Variants in CDHR3 observed in about 807,000 individuals in gnomAD.
The protein encoded by CDHR3 is cadherin-related family member 3.
Under a neutral mutation model 86.6 loss-of-function variants are expected in CDHR3, and 79 were observed. The observed-to-expected ratio is 0.91, with a 90% CI of 0.76 to 1.10. The LOEUF (loss-of-function observed/expected upper bound fraction) is 1.10. Among genes scored for constraint, CDHR3 ranks in the 50% least tolerant of loss-of-function variants. The probability of loss-of-function intolerance (pLI) is 0.00; values close to 1 mark genes in which losing one functional copy is unlikely to be tolerated. For missense variants in CDHR3, 1,081 were observed against 1,077.6 expected (o/e 1.00, Z -0.04); for synonymous variants, 421 against 402.4 (o/e 1.05, Z -0.55).
rs368285250 is a variant in CDHR3 at position 106,022,240 on chromosome 7, C to T, written c.1868C>T (p.Ser623Phe). The change falls in exon 14 of 19, where the codon TCC becomes TTC. Residue 623 changes from serine to phenylalanine, a missense_variant. Coordinates refer to ENST00000317716, the MANE Select transcript of CDHR3 (RefSeq NM_152750.5). Reference protein sequence around the residue: ...NHFTFSPNAGSNVTRLLLTSR... With the variant: ...NHFTFSPNAGFNVTRLLLTSR... Reference sequence around the variant, plus strand: ...TTCACCTTCTCTCCCAATGCTGGTTCCAATGTCACACGCCTGCTGCTTACA... The same window carrying T: ...TTCACCTTCTCTCCCAATGCTGGTTTCAATGTCACACGCCTGCTGCTTACA... The T allele has an allele frequency of 1.9e-6, 3 of 1,613,926 alleles. No individual in the cohort carries two copies. The highest frequency in any genetic ancestry group is 2.5e-6 in the Non-Finnish European group (3 of 1,179,910).
rs1430125245 is a variant in CDHR3, at chr7:105,963,446, G to A, written c.46+82G>A. 4.8e-6 allele frequency: 7 copies of A among 1,453,878 alleles called. No homozygotes were observed. The East Asian group carries it at 1.4e-4, about 28-fold the overall frequency. 90.1% of individuals were successfully genotyped at this position (1,453,878 alleles called of 1,614,324 possible). ...ATTGAATGACAATGTCCCCCAGAAA[G>A]GAAATTGCCCCTGGGAGGCTTGTTC... On this transcript the variant is annotated intron_variant, in intron 1 of 18. Coordinates refer to ENST00000317716, the MANE Select transcript of CDHR3 (RefSeq NM_152750.5).
Position 106,015,908 on chromosome 7 carries a change from T to C in CDHR3, c.1328-19T>C. 2 of 1,511,320 alleles carry C rather than the reference T, an allele frequency of 1.3e-6. No homozygotes were observed. Among genetic ancestry groups the C allele is most frequent in the South Asian group, 2.3e-5 (2 of 87,312 alleles). The allele number at this position is 1,511,320 out of a possible 1,614,324, so 93.6% of individuals were successfully genotyped here. A position where few individuals can be genotyped will look rare whatever the true frequency, so the allele number is the denominator to read the frequency against. On this transcript the variant is annotated intron_variant, in intron 10 of 18. Transcript: ENST00000317716. ...GAGTATGGATTTGTGATTAAATGTGTTTCTATTTCCATTTTTAGATAACGT... is the reference window on the plus strand; with the variant it reads ...GAGTATGGATTTGTGATTAAATGTGCTTCTATTTCCATTTTTAGATAACGT...
rs1249126412 is a variant in CDHR3 at position 106,034,969 on chromosome 7, C to G, written c.*2272C>G. 6.6e-6 allele frequency among the ~76,000 whole-genome samples: 1 copy of G among 151,982 alleles called. No individual in the cohort carries two copies. Among genetic ancestry groups the G allele is most frequent in the Non-Finnish European group, 1.5e-5 (1 of 68,024 alleles). On this transcript the variant is annotated 3_prime_UTR_variant, in exon 19 of 19. Transcript: ENST00000317716. Reference sequence around the variant, plus strand: ...TAGCAGGCACCTGTAATCCCAGCTACTCAGGAGGCTGAGGCAAGAGAATCG... The same window carrying G: ...TAGCAGGCACCTGTAATCCCAGCTAGTCAGGAGGCTGAGGCAAGAGAATCG...
chr7:105,975,507 A>G (rs1431298049), intron 2 of CDHR3, among the ~76,000 whole-genome samples: 1 of 152,192 alleles, frequency 6.6e-6, no homozygotes, highest in African/African-American at 2.4e-5. Flanking sequence ...ACACCCTTTA[A>G]CAAAAATATA....
intron 1 of CDHR3, among the ~76,000 whole-genome samples, chr7:105,972,896 C>G (rs917518227): frequency 6.6e-6 from 1 of 152,154 alleles, no homozygotes; most frequent in Non-Finnish European, 1.5e-5. Flanking sequence ...AATAAGATGA[C>G]TTTAGATTTT....
intron 15 of CDHR3, among the ~76,000 whole-genome samples, 181 bp from the exon 16 acceptor site, chr7:106,026,501 T>C (rs187435591): frequency 2.0e-5 from 3 of 152,312 alleles, no homozygotes; most frequent in African/African-American, 7.2e-5. Context: ...GTGATGAAGC[T>C]GCTTTGTTCG....
At chr7:105,982,108 A>C (rs1344633004) in intron 3 of CDHR3, among the ~76,000 whole-genome samples, 1 of 152,064 alleles carries the variant, frequency 6.6e-6, no homozygotes, top group East Asian at 1.9e-4. Flanking sequence ...CGTCAGTTAA[A>C]TCAAGGCACT....
intron 4 of CDHR3, among the ~76,000 whole-genome samples, chr7:105,993,677 C>CAAAAAAA (rs55787798): frequency 3.3e-5 from 3 of 91,788 alleles, no homozygotes; most frequent in Non-Finnish European, 6.0e-5. Flanking sequence ...CTCTGTCTCA[C>CAAAAAAA]AAAAAAAAAA....
At chr7:106,025,555 C>G (rs796697133) in intron 15 of CDHR3, among the ~76,000 whole-genome samples, 2 of 152,304 alleles carry the variant, frequency 1.3e-5, no homozygotes, top group African/African-American at 4.8e-5. Flanking sequence ...AAGTTTAGCT[C>G]TATGCCCAAG....
At chr7:105,963,573 A>C (rs907874583) in intron 1 of CDHR3, among the ~76,000 whole-genome samples, 3 of 152,204 alleles carry the variant, frequency 2.0e-5, no homozygotes, top group African/African-American at 7.2e-5. Context: ...TAAAGAGCCT[A>C]ATCTAATCTA....
chr7:106,020,050 G>GT (rs1563297537), intron 12 of CDHR3, among the ~76,000 whole-genome samples: 81 of 145,302 alleles, frequency 5.6e-4, no homozygotes, highest in East Asian at 2.5e-3. Context: ...TGTGTGTGTG[G>GT]GGGGGGGGCA....
At chr7:105,971,516 G>T (rs549764417) in intron 1 of CDHR3, among the ~76,000 whole-genome samples, 1 of 152,310 alleles carries the variant, frequency 6.6e-6, no homozygotes, top group African/African-American at 2.4e-5. Context: ...AGACATCATG[G>T]AGCTGTCCTT....
Position 106,030,390 on chromosome 7 carries a change from C to A in CDHR3, c.2305-402C>A, listed in dbSNP as rs2115928521. ...CTGTGTCCACCTTGACAATGCCTGA[C>A]AGCAATTCACTGACACAACGTAGGT... On this transcript the variant is annotated intron_variant, in intron 17 of 18. Transcript: ENST00000317716. This position sits in a 1 kb window ranked among gnomAD's most constrained non-coding sequence, Gnocchi z 4.8. 6.6e-6 allele frequency among the ~76,000 whole-genome samples: 1 copy of A among 152,314 alleles called. No individual in the cohort carries two copies. Among genetic ancestry groups the A allele is most frequent in the African/African-American group, 2.4e-5 (1 of 41,542 alleles).
chr7:106,031,007 C>T (rs1191261757), intron 18 of CDHR3, among the ~76,000 whole-genome samples, 167 bp downstream of exon 18: 1 of 152,228 alleles, frequency 6.6e-6, no homozygotes, highest in Admixed American at 6.5e-5. Flanking sequence ...GTGAGATCAG[C>T]TGTGAACCCA....
rs1466378149 is a variant in CDHR3, at chr7:106,022,345, T to A, written c.1973T>A (p.Met658Lys). ...GTCTACGTAACTGATGACAACTTGA[T>A]GTCTGACAGGAAGAAAGCGGAGGCT... is the stretch of plus-strand genomic sequence containing the variant. The part of the protein sequence containing the change: ...LLVYVTDDNL[M>K]SDRKKAEALV... Residue 658 changes from methionine (M) to lysine (K), a missense_variant, in exon 14 of 19, where the codon ATG becomes AAG. Met to Lys is a moderately conservative substitution (Grantham distance 95, BLOSUM62 -1). Transcript: ENST00000317716. The A allele has an allele frequency of 1.2e-6, 2 of 1,614,052 alleles. No homozygotes were observed. Among genetic ancestry groups the A allele is most frequent in the Non-Finnish European group, 1.7e-6 (2 of 1,179,902 alleles).
chr7:106,028,030 T>C (rs1368152476), intron 16 of CDHR3, among the ~76,000 whole-genome samples: 1 of 151,862 alleles, frequency 6.6e-6, no homozygotes, highest in Non-Finnish European at 1.5e-5. Context: ...GGGAGATAGC[T>C]GAGAGGATCA....
rs140724689 is a variant in CDHR3 at position 106,030,220 on chromosome 7, C to A, written c.2305-572C>A. Among the ~76,000 whole-genome samples the A allele has an allele frequency of 4.1e-3, 623 of 152,284 alleles. 4 individuals carry two copies. The highest frequency in any genetic ancestry group is 0.014 in the African/African-American group (594 of 41,556). ...GAAGTCAGGTCCTGGAGGGTGGCAC[C>A]AAGGACAGATCAGGGAAGAGAAAAG... is the stretch of plus-strand genomic sequence containing the variant. On this transcript the variant is annotated intron_variant, in intron 17 of 18. Coordinates refer to ENST00000317716, the MANE Select transcript of CDHR3 (RefSeq NM_152750.5). This position sits in a 1 kb window ranked among gnomAD's most constrained non-coding sequence, Gnocchi z 4.8.
intron 14 of CDHR3, among the ~76,000 whole-genome samples, chr7:106,022,738 TG>T (rs1836768205): frequency 6.6e-6 from 1 of 152,216 alleles, no homozygotes; most frequent in South Asian, 2.1e-4. Flanking sequence ...ACCATCTGTG[TG>T]GCTTGTGGCA....
At chr7:105,978,399 A>G (rs920620709) in intron 2 of CDHR3, among the ~76,000 whole-genome samples, 1 of 152,036 alleles carries the variant, frequency 6.6e-6, no homozygotes, top group African/African-American at 2.4e-5. Flanking sequence ...CTCTTTTCCC[A>G]TCTACTGTCG....
Sources: allele counts gnomAD v4.1 joint callset (sites outside exome capture counted in the v4.1 genomes callset), GRCh38; gene constraint gnomAD v4.1.1; non-coding constraint Gnocchi (gnomAD v3.1); transcripts MANE v1.5; gene names NCBI Gene and HGNC (gene_info 2026-07-23, HGNC 2026-07-21).